RBL2: variants seen among roughly 807,000 people sequenced by gnomAD.
RBL2 encodes the protein retinoblastoma-like protein 2.
RBL2 carries 56 observed loss-of-function variants against 126.0 expected under a neutral mutation model. The observed-to-expected ratio is 0.44, with a 90% CI of 0.36 to 0.56. The LOEUF (loss-of-function observed/expected upper bound fraction) is 0.56, where lower values mean the gene tolerates loss of function less well. Ranked by LOEUF, RBL2 falls within the 20% of genes least tolerant of loss-of-function variation. The pLI is 0.00. For missense variants in RBL2, 1,229 were observed against 1,398.2 expected (o/e 0.88, Z 1.93); for synonymous variants, 454 against 478.5 (o/e 0.95, Z 0.67).
At chr16:53,435,677 A>G (rs567259325) in intron 1 of RBL2, 1 of 1,288,932 alleles carries the variant, frequency 7.8e-7, no homozygotes, top group South Asian at 1.2e-5. Context: ...TTGATTTCTC[A>G]AGTCGTTTTA....
intron 17 of RBL2, 90 bp downstream of exon 17, chr16:53,471,012 C>G (rs2058318450): frequency 7.6e-7 from 1 of 1,316,994 alleles, no homozygotes; most frequent in Admixed American, 2.3e-5. Flanking sequence ...AGTTTACATG[C>G]TCTATAATTC....
intron 21 of RBL2, among the ~76,000 whole-genome samples, chr16:53,483,926 TAAAA>T (rs77395902): frequency 5.3e-5 from 7 of 131,004 alleles, no homozygotes; most frequent in Admixed American, 7.9e-5. Context: ...CCTATCATAG[TAAAA>T]AAAAAAAAAA....
rs577332958 is a variant in RBL2, at chr16:53,434,641, G to C, written c.85G>C (p.Gly29Arg). 661 of 1,564,692 alleles carry C rather than the reference G, an allele frequency of 4.2e-4. 6 individuals are homozygous for C. The South Asian group carries it at 5.4e-3, about 13-fold the overall frequency. The change falls in exon 1 of 22, where the codon GGC becomes CGC. Residue 29 changes from glycine (G) to arginine (R), a missense_variant. Gly to Arg is a moderately radical substitution (Grantham distance 125). Coordinates refer to ENST00000262133, the MANE Select transcript of RBL2 (RefSeq NM_005611.4). ...AASDEEEEDD[G>R]EAEDAAPPAE... ...CTCGGATGAGGAGGAGGAGGACGAC[G>C]GCGAGGCGGAAGACGCCGCGCCGCC...
intron 9 of RBL2, among the ~76,000 whole-genome samples, chr16:53,461,380 C>CT (rs1472270738): frequency 1.3e-5 from 2 of 152,120 alleles, no homozygotes; most frequent in Admixed American, 1.3e-4. Flanking sequence ...GCAGTTCCAG[C>CT]TACTTGGAGG....
intron 5 of RBL2, among the ~76,000 whole-genome samples, chr16:53,452,693 G>T (rs1348339134): frequency 6.6e-6 from 1 of 151,130 alleles, no homozygotes; most frequent in Non-Finnish European, 1.5e-5. Context: ...TTGAGACAGG[G>T]TCTCACTCTG....
At position 53,442,817 on chromosome 16, in the gene RBL2, T is replaced by C; in HGVS notation, c.531T>C (p.Pro177=). 1 of 1,613,584 alleles carries C rather than the reference T, an allele frequency of 6.2e-7. No individual in the cohort carries two copies. Among genetic ancestry groups the C allele is most frequent in the South Asian group, 1.1e-5 (1 of 90,976 alleles). ...EPIFQDIFKY[P]QEEQPRQQRG... ...TTTTTCAGGACATCTTTAAATACCC[T>C]CAAGAGGAGCAACCTCGTCAGCAGC... The change falls in exon 3 of 22, where the codon CCT becomes CCC. Residue 177 remains proline, a synonymous_variant. Coordinates refer to ENST00000262133, the MANE Select transcript of RBL2 (RefSeq NM_005611.4).
chr16:53,434,726 A>G lies in RBL2; in HGVS notation c.170A>G (p.Asn57Ser). 6.4e-7 allele frequency: 1 copy of G among 1,555,890 alleles called. No homozygotes were observed. The highest frequency in any genetic ancestry group is 8.6e-7 in the Non-Finnish European group (1 of 1,160,336). ...TTCGACGAGCTGTGCAGCCGCCTCA[A>G]CATGGACGAGGCGGCGCGGGCCGAG... ...QRFDELCSRL[N>S]MDEAARAEAW... The change falls in exon 1 of 22, where the codon AAC becomes AGC. Residue 57 changes from asparagine to serine, a missense_variant. Coordinates refer to ENST00000262133, the MANE Select transcript of RBL2 (RefSeq NM_005611.4).
intron 4 of RBL2, among the ~76,000 whole-genome samples, chr16:53,448,140 T>C (rs922166198): frequency 7.0e-6 from 1 of 142,638 alleles, no homozygotes; most frequent in African/African-American, 2.7e-5. Flanking sequence ...ATTATTAGAT[T>C]AACTAGCTTA....
At chr16:53,462,840 T>C (rs2058235962) in intron 11 of RBL2, among the ~76,000 whole-genome samples, 185 bp downstream of exon 11, 1 of 152,146 alleles carries the variant, frequency 6.6e-6, no homozygotes, top group South Asian at 2.1e-4. Flanking sequence ...TATGTATGTA[T>C]GTATGTATTT....
intron 14 of RBL2, 115 bp from the exon 15 acceptor site, chr16:53,469,801 T>C (rs1793507190): frequency 8.1e-7 from 1 of 1,234,308 alleles, no homozygotes; most frequent in South Asian, 1.7e-5. Flanking sequence ...TGTTTGCTTT[T>C]TGAATTATGA....
intron 17 of RBL2, among the ~76,000 whole-genome samples, chr16:53,473,134 AT>A (rs1013899304): frequency 2.6e-5 from 4 of 152,188 alleles, no homozygotes; most frequent in Admixed American, 2.6e-4. Flanking sequence ...ATTGGGAAAT[AT>A]GAGTGCTCCT....
chr16:53,486,316 A>G (rs1310979315), intron 21 of RBL2, among the ~76,000 whole-genome samples: 1 of 152,168 alleles, frequency 6.6e-6, no homozygotes, highest in Admixed American at 6.5e-5. Flanking sequence ...TTTAATGCCA[A>G]TAAATGTGAC....
intron 11 of RBL2, 123 bp downstream of exon 11, chr16:53,462,778 T>A: frequency 1.6e-6 from 1 of 617,572 alleles, no homozygotes; most frequent in Middle Eastern, 4.0e-4. Context: ...GTTTTTAATT[T>A]TGATGAAATC....
In RBL2 at chr16:53,479,967, C is replaced by G. The variant is rs2150824326; in HGVS notation, c.2857C>G (p.Pro953Ala). The change falls in exon 19 of 22, where the codon CCA (proline) becomes GCA (alanine). Residue 953 changes from proline (P) to alanine (A), a missense_variant. Transcript: ENST00000262133. ...SSDSRSHQNS[P>A]TELNKDRTSR... Reference sequence around the variant, plus strand: ...TGATAGCAGAAGCCATCAGAATTCTCCAACAGAACTAAACAAAGATAGAAG... The same window carrying G: ...TGATAGCAGAAGCCATCAGAATTCTGCAACAGAACTAAACAAAGATAGAAG... The G allele has an allele frequency of 1.2e-6, 2 of 1,606,236 alleles. No homozygotes were observed. Among genetic ancestry groups the G allele is most frequent in the East Asian group, 2.2e-5 (1 of 44,814 alleles).
At chr16:53,488,602 G>A (rs1237069275) in intron 21 of RBL2, 1 of 152,154 alleles carries the variant, frequency 6.6e-6, no homozygotes, top group Admixed American at 6.6e-5. Context: ...GCAAGAAGTA[G>A]CTTATGTCTA....
intron 3 of RBL2, chr16:53,446,063 A>T (rs2058059313): frequency 6.6e-6 from 1 of 152,210 alleles, no homozygotes; most frequent in Non-Finnish European, 1.5e-5. Context: ...GCAAGAAGAA[A>T]TGTGGGAGGT....
chr16:53,442,515 C>G (rs1338843160), intron 2 of RBL2, 143 bp from the exon 3 acceptor site: 2 of 639,108 alleles, frequency 3.1e-6, no homozygotes, highest in Non-Finnish European at 5.2e-6. Context: ...TTAAGCTAGT[C>G]AGAGACATGA....
At chr16:53,478,667 C>G (rs1194116031) in intron 17 of RBL2, among the ~76,000 whole-genome samples, 1 of 151,934 alleles carries the variant, frequency 6.6e-6, no homozygotes, top group African/African-American at 2.4e-5. Context: ...CTCTGTCACC[C>G]AGGCTGTACA....
chr16:53,473,002 G>A (rs551683038), intron 17 of RBL2, among the ~76,000 whole-genome samples: 1 of 152,160 alleles, frequency 6.6e-6, no homozygotes, highest in African/African-American at 2.4e-5. Flanking sequence ...AAAATCAATT[G>A]ACCGTTGACA....
Sources: allele counts gnomAD v4.1 joint callset (sites outside exome capture counted in the v4.1 genomes callset), GRCh38; gene constraint gnomAD v4.1.1; transcripts MANE v1.5; gene names NCBI Gene and HGNC (gene_info 2026-07-23, HGNC 2026-07-21).